The following DPYSL5 variants were observed in gnomAD, a reference collection of about 807,000 sequenced individuals.
The protein encoded by DPYSL5 is dihydropyrimidinase like 5, also known as dihydropyrimidinase-related protein 5.
In DPYSL5, 9 loss-of-function variants were observed where a neutral mutation model predicts 58.4. The observed-to-expected ratio is 0.15, with a 90% CI of 0.09 to 0.27. The LOEUF is 0.27. Among genes scored for constraint, DPYSL5 ranks in the 10% least tolerant of loss-of-function variants. The pLI is 1.00. For synonymous variants in DPYSL5, 293 were observed against 301.9 expected (o/e 0.97, Z 0.31); for missense variants, 499 against 770.6 (o/e 0.65, Z 4.17).
chr2:26,848,960 G>A (rs1233779804), intron 1 of DPYSL5, among the ~76,000 whole-genome samples: 1 of 152,180 alleles, frequency 6.6e-6, no homozygotes, highest in African/African-American at 2.4e-5. Flanking sequence ...AGCGGGCACC[G>A]ACGTCGACGC....
At chr2:26,852,815 GGTT>G in intron 1 of DPYSL5, among the ~76,000 whole-genome samples, 1 of 152,114 alleles carries the variant, frequency 6.6e-6, no homozygotes, top group African/African-American at 2.4e-5. Flanking sequence ...CTACATCTGG[GGTT>G]GTTCTGAGGC....
intron 1 of DPYSL5, among the ~76,000 whole-genome samples, chr2:26,867,707 G>A (rs1279404834): frequency 2.0e-5 from 3 of 151,906 alleles, no homozygotes; most frequent in African/African-American, 7.3e-5. Flanking sequence ...CGCCCGCCTC[G>A]GCCTCCCAAA....
At chr2:26,930,613 A>T (rs6547318) in intron 5 of DPYSL5, among the ~76,000 whole-genome samples, 1 of 151,794 alleles carries the variant, frequency 6.6e-6, no homozygotes, top group South Asian at 2.1e-4. Flanking sequence ...GCTTGAGCCC[A>T]GGAGTTTATG....
At chr2:26,910,899 G>A (rs1186405206) in intron 2 of DPYSL5, among the ~76,000 whole-genome samples, 4 of 151,450 alleles carry the variant, frequency 2.6e-5, no homozygotes, top group Non-Finnish European at 4.4e-5. Flanking sequence ...CCAATTTATC[G>A]ATTTTTTTAT....
chr2:26,924,752 C>T lies in DPYSL5; in HGVS notation c.262-135C>T, dbSNP rs1301555739. The T allele has an allele frequency of 6.3e-6, 8 of 1,264,282 alleles. No individual in the cohort carries two copies. In the South Asian group the frequency reaches 6.6e-5, roughly 10 times the overall value. The allele number at this position is 1,264,282 out of a possible 1,614,324, so 78.3% of individuals were successfully genotyped here. A position where few individuals can be genotyped will look rare whatever the true frequency, so the allele number is the denominator to read the frequency against. ...TGGCTCTTTACAGTTTCCCAAACCT[C>T]GCTGCCCTTGGTCCTCACAGCCTCT... is the stretch of plus-strand genomic sequence containing the variant. On this transcript the variant is annotated intron_variant, in intron 2 of 12. Coordinates refer to ENST00000288699, the MANE Select transcript of DPYSL5 (RefSeq NM_020134.4). The surrounding 1 kb of genome is among the most constrained non-coding windows in gnomAD (Gnocchi z 4.7).
chr2:26,931,292 C>T (rs1028179276), intron 5 of DPYSL5, among the ~76,000 whole-genome samples: 3 of 145,438 alleles, frequency 2.1e-5, no homozygotes, highest in African/African-American at 5.1e-5. Context: ...GGCTAATTTC[C>T]GGAGTCAAAT....
chr2:26,932,008 A>C (rs111372611), intron 6 of DPYSL5, among the ~76,000 whole-genome samples: 1 of 1,204 alleles, frequency 8.3e-4, no homozygotes, highest in Non-Finnish European at 4.9e-3. Flanking sequence ...GACTCTGTCA[A>C]AAAAAAAAAA....
Position 26,924,793 on chromosome 2 carries a change from G to C in DPYSL5, c.262-94G>C. ...CACAGCCTCTTGTGAGGCAGGGCCT[G>C]TCTTTGAATGGACCATGAGGACCAT... On this transcript the variant is annotated intron_variant, in intron 2 of 12. Coordinates refer to ENST00000288699, the MANE Select transcript of DPYSL5 (RefSeq NM_020134.4). This position sits in a 1 kb window ranked among gnomAD's most constrained non-coding sequence, Gnocchi z 4.7. 1.3e-6 allele frequency: 2 copies of C among 1,491,140 alleles called. No homozygotes were observed. The highest frequency in any genetic ancestry group is 1.8e-6 in the Non-Finnish European group (2 of 1,112,964). The allele number at this position is 1,491,140 out of a possible 1,614,324, so 92.4% of individuals were successfully genotyped here. A position where few individuals can be genotyped will look rare whatever the true frequency, so the allele number is the denominator to read the frequency against.
chr2:26,941,842 G>T, intron 9 of DPYSL5, 108 bp from the exon 10 acceptor site: 1 of 1,480,044 alleles, frequency 6.8e-7, no homozygotes, highest in Non-Finnish European at 9.3e-7. Flanking sequence ...TGTGACCACT[G>T]TCCTGACCAC....
intron 1 of DPYSL5, among the ~76,000 whole-genome samples, chr2:26,893,982 C>G (rs865781979): frequency 1.7e-4 from 25 of 151,198 alleles, no homozygotes; most frequent in Admixed American, 3.3e-4. Context: ...ATCTAAGGGT[C>G]AAGAGAGTTG....
chr2:26,888,265 C>CTTTCTTTCTTTG (rs1169333315), intron 1 of DPYSL5, among the ~76,000 whole-genome samples: 9 of 115,914 alleles, frequency 7.8e-5, no homozygotes, highest in African/African-American at 2.5e-4. Context: ...TTCTTTCTTT[C>CTTTCTTTCTTTG]TGTCTTTCTT....
intron 1 of DPYSL5, among the ~76,000 whole-genome samples, chr2:26,891,933 A>C (rs956286584): frequency 5.9e-5 from 9 of 152,290 alleles, no homozygotes; most frequent in African/African-American, 2.2e-4. Context: ...TCAGCCTCCC[A>C]AAGTGCTGGG....
At chr2:26,932,581 C>T (rs1481613772) in intron 6 of DPYSL5, among the ~76,000 whole-genome samples, 2 of 152,254 alleles carry the variant, frequency 1.3e-5, no homozygotes, top group African/African-American at 4.8e-5. Flanking sequence ...TTATCAATTA[C>T]TTCCTGGTGG....
At chr2:26,862,662 G>T (rs1464225724) in intron 1 of DPYSL5, among the ~76,000 whole-genome samples, 1 of 152,168 alleles carries the variant, frequency 6.6e-6, no homozygotes, top group African/African-American at 2.4e-5. Flanking sequence ...CTTCTGCCTG[G>T]ATGTTGGCAG....
intron 1 of DPYSL5, among the ~76,000 whole-genome samples, chr2:26,848,856 A>G (rs977482383): frequency 1.3e-5 from 2 of 152,004 alleles, no homozygotes; most frequent in East Asian, 1.9e-4. Flanking sequence ...CTGAGCCACA[A>G]AGGCCTCCTG....
intron 1 of DPYSL5, among the ~76,000 whole-genome samples, chr2:26,874,767 T>C (rs1572680861): frequency 6.6e-6 from 1 of 152,192 alleles, no homozygotes; most frequent in Non-Finnish European, 1.5e-5. Context: ...GATCTCTGGG[T>C]TTGATTGATT....
intron 2 of DPYSL5, among the ~76,000 whole-genome samples, chr2:26,912,674 C>T (rs71441053): frequency 2.0e-5 from 3 of 152,204 alleles, no homozygotes; most frequent in Non-Finnish European, 2.9e-5. Flanking sequence ...GGGAGCCAGC[C>T]GGCTCCGTAC....
chr2:26,885,583 G>A (rs1418092115), intron 1 of DPYSL5, among the ~76,000 whole-genome samples: 1 of 152,206 alleles, frequency 6.6e-6, no homozygotes, highest in Non-Finnish European at 1.5e-5. Flanking sequence ...GACATTCAGA[G>A]ACCTCCTCAC....
intron 8 of DPYSL5, among the ~76,000 whole-genome samples, chr2:26,937,021 T>C (rs981608646): frequency 2.1e-5 from 3 of 143,262 alleles, no homozygotes; most frequent in African/African-American, 7.7e-5. Flanking sequence ...AAAGAAACAA[T>C]TACCAAGACT....
Sources: allele counts gnomAD v4.1 joint callset (sites outside exome capture counted in the v4.1 genomes callset), GRCh38; gene constraint gnomAD v4.1.1; non-coding constraint Gnocchi (gnomAD v3.1); transcripts MANE v1.5; gene names NCBI Gene and HGNC (gene_info 2026-07-23, HGNC 2026-07-21).